The following SH2D4A variants were observed in gnomAD, a reference collection of about 807,000 sequenced individuals.
The protein encoded by SH2D4A is SH2 domain containing 4A.
SH2D4A carries 70 observed loss-of-function variants against 64.7 expected under a neutral mutation model. The observed-to-expected ratio is 1.08, with a 90% CI of 0.89 to 1.32. The LOEUF (loss-of-function observed/expected upper bound fraction) is 1.32. Among genes scored for constraint, SH2D4A ranks in the 40% most tolerant of loss-of-function variants. The pLI is 0.00. For missense variants in SH2D4A, 706 were observed against 540.1 expected (o/e 1.31, Z -3.04); for synonymous variants, 268 against 200.7 (o/e 1.34, Z -2.83).
chr8:19,382,802 T>C (rs962878465), intron 8 of SH2D4A, among the ~76,000 whole-genome samples: 1 of 149,912 alleles, frequency 6.7e-6, no homozygotes, highest in Non-Finnish European at 1.5e-5. Flanking sequence ...CTCTCTTTTC[T>C]CTCTTGCTGC....
At chr8:19,322,898 C>T (rs1380444447) in intron 2 of SH2D4A, among the ~76,000 whole-genome samples, 2 of 152,052 alleles carry the variant, frequency 1.3e-5, no homozygotes, top group Non-Finnish European at 2.9e-5. Flanking sequence ...TGGTCTTGAA[C>T]TCCTGACCTC....
chr8:19,362,559 G>A (rs1411616157), intron 6 of SH2D4A, among the ~76,000 whole-genome samples: 4 of 152,080 alleles, frequency 2.6e-5, no homozygotes, highest in African/African-American at 9.7e-5. Flanking sequence ...GGCCAACATG[G>A]TGAAACTCCA....
chr8:19,387,584 C>T (rs550860972), intron 8 of SH2D4A, among the ~76,000 whole-genome samples: 31 of 152,340 alleles, frequency 2.0e-4, no homozygotes, highest in African/African-American at 7.5e-4. Flanking sequence ...CACATGCTTT[C>T]TGGACAGTTT....
chr8:19,332,632 G>A (rs537532704), intron 2 of SH2D4A, among the ~76,000 whole-genome samples: 201 of 148,704 alleles, frequency 1.4e-3, no homozygotes, highest in African/African-American at 4.7e-3. Context: ...AGAGGCGGAG[G>A]TTGCAGTGAG....
intron 8 of SH2D4A, among the ~76,000 whole-genome samples, chr8:19,382,448 T>C (rs2053310437): frequency 6.6e-6 from 1 of 152,158 alleles, no homozygotes; most frequent in South Asian, 2.1e-4. Context: ...GTTCAACCAT[T>C]GTGTTTTTCA....
chr8:19,376,724 C>T (rs747738890), intron 8 of SH2D4A, among the ~76,000 whole-genome samples: 1 of 152,086 alleles, frequency 6.6e-6, no homozygotes, highest in Non-Finnish European at 1.5e-5. Context: ...ATGGCCCAGT[C>T]AAGTTGACCC....
Position 19,394,532 on chromosome 8 carries a change from G to T in SH2D4A, c.1273-18G>T. ...GTCACTACTTACACTATCTGACCCC[G>T]TGCCTTCTGATTGACAGGAGGAACC... On this transcript the variant is annotated intron_variant, in intron 9 of 9. Transcript: ENST00000265807. The T allele has an allele frequency of 1.9e-6, 3 of 1,581,610 alleles. No individual in the cohort carries two copies. The highest frequency in any genetic ancestry group is 1.3e-5 in the African/African-American group (1 of 74,304).
At chr8:19,340,435 T>A (rs1433373710) in intron 4 of SH2D4A, among the ~76,000 whole-genome samples, 1 of 152,078 alleles carries the variant, frequency 6.6e-6, no homozygotes, top group Non-Finnish European at 1.5e-5. Context: ...TAAGCTTGGA[T>A]GCCTGGGAGA....
At chr8:19,359,692 T>C (rs1046593194) in intron 5 of SH2D4A, among the ~76,000 whole-genome samples, 2 of 146,390 alleles carry the variant, frequency 1.4e-5, no homozygotes, top group Non-Finnish European at 1.5e-5. Flanking sequence ...GAAAACAGTG[T>C]AAGGAAAAAA....
At chr8:19,349,777 A>G (rs1202534953) in intron 4 of SH2D4A, among the ~76,000 whole-genome samples, 1 of 152,220 alleles carries the variant, frequency 6.6e-6, no homozygotes, top group Non-Finnish European at 1.5e-5. Flanking sequence ...CTTGAGATAC[A>G]GTCTCGCTCT....
At chr8:19,349,400 T>C (rs1188472113) in intron 4 of SH2D4A, among the ~76,000 whole-genome samples, 1 of 152,184 alleles carries the variant, frequency 6.6e-6, no homozygotes, top group Non-Finnish European at 1.5e-5. Context: ...AATCAAAATT[T>C]CTAAAATAAA....
intron 9 of SH2D4A, among the ~76,000 whole-genome samples, chr8:19,393,984 A>T (rs912110110): frequency 6.6e-6 from 1 of 152,256 alleles, no homozygotes; most frequent in Middle Eastern, 3.4e-3. Context: ...ATACAGTTCA[A>T]CATAGTGTAG....
At chr8:19,384,416 A>AT (rs1391826989) in intron 8 of SH2D4A, among the ~76,000 whole-genome samples, 1 of 152,160 alleles carries the variant, frequency 6.6e-6, no homozygotes, top group Non-Finnish European at 1.5e-5. Context: ...AGTCTGCCTG[A>AT]TTTTGTCACC....
chr8:19,382,962 G>A (rs1202956410), intron 8 of SH2D4A, among the ~76,000 whole-genome samples: 3 of 150,006 alleles, frequency 2.0e-5, no homozygotes, highest in African/African-American at 7.4e-5. Context: ...CTGTCAAGTA[G>A]TTGGGACTAT....
intron 4 of SH2D4A, among the ~76,000 whole-genome samples, chr8:19,340,919 T>G (rs1360001007): frequency 6.6e-6 from 1 of 152,154 alleles, no homozygotes; most frequent in Non-Finnish European, 1.5e-5. Flanking sequence ...ATACATGTGA[T>G]TTGGAGTTCA....
chr8:19,352,522 A>C (rs1376018086), intron 4 of SH2D4A, among the ~76,000 whole-genome samples: 1 of 152,228 alleles, frequency 6.6e-6, no homozygotes, highest in Non-Finnish European at 1.5e-5. Context: ...GAGGCAGATA[A>C]GATTGCTTTA....
At chr8:19,383,237 C>T (rs575687377) in intron 8 of SH2D4A, among the ~76,000 whole-genome samples, 9 of 152,102 alleles carry the variant, frequency 5.9e-5, no homozygotes, top group African/African-American at 1.9e-4. Context: ...GTTCACTTTT[C>T]TTTATTTTGT....
At chr8:19,337,861 T>G (rs1489113166) in intron 4 of SH2D4A, among the ~76,000 whole-genome samples, 1 of 152,088 alleles carries the variant, frequency 6.6e-6, no homozygotes, top group Non-Finnish European at 1.5e-5. Context: ...TTGTGGGAGT[T>G]ACAATTCAAG....
At position 19,350,901 on chromosome 8, in the gene SH2D4A, A is replaced by T. The variant is rs141849557; in HGVS notation, c.514-6302A>T. Among the ~76,000 whole-genome samples, 601 of 152,258 alleles carry T rather than the reference A, an allele frequency of 3.9e-3. 5 individuals carry two copies. The highest frequency in any genetic ancestry group is 0.013 in the African/African-American group (559 of 41,548). ...GATTTTGCTTGGAACAATATTAGAAAAATAAGGAAAAGATTTTCTCGGGTT... is the reference window on the plus strand; with the variant it reads ...GATTTTGCTTGGAACAATATTAGAATAATAAGGAAAAGATTTTCTCGGGTT... On this transcript the variant is annotated intron_variant, in intron 4 of 9. Coordinates refer to ENST00000265807, the MANE Select transcript of SH2D4A (RefSeq NM_022071.4).
Sources: gnomAD v4.1 joint callset for allele counts (sites outside exome capture counted in the v4.1 genomes callset) on GRCh38, gnomAD v4.1.1 for gene constraint, MANE v1.5 for transcripts, NCBI Gene and HGNC (gene_info 2026-07-23, HGNC 2026-07-21) for gene names.